MYO9A: variants seen among roughly 807,000 people sequenced by gnomAD.
MYO9A encodes the protein unconventional myosin-IXa.
Under a neutral mutation model 293.3 loss-of-function variants are expected in MYO9A, and 103 were observed. The observed-to-expected ratio is 0.35, with a 90% confidence interval of 0.30 to 0.41. The LOEUF (loss-of-function observed/expected upper bound fraction) is 0.41, where lower values mean the gene tolerates loss of function less well. Ranked by LOEUF, MYO9A falls within the 10% of genes least tolerant of loss-of-function variation. MYO9A has a pLI of 1.00. For synonymous variants in MYO9A, 1,001 were observed against 1,035.7 expected, an observed-to-expected ratio of 0.97 and a Z score of 0.64; for missense variants, 2,685 against 3,033.0, an observed-to-expected ratio of 0.89 and a Z score of 2.69.
intron 14 of MYO9A, among the ~76,000 whole-genome samples, chr15:71,957,677 T>C (rs139487102): frequency 2.0e-5 from 3 of 152,098 alleles, no homozygotes; most frequent in Non-Finnish European, 1.5e-5. Flanking sequence ...CAGAGTTACA[T>C]AGTCTATTGA....
intron 3 of MYO9A, among the ~76,000 whole-genome samples, chr15:72,032,283 T>A (rs976830638): frequency 6.6e-6 from 1 of 152,108 alleles, no homozygotes; most frequent in African/African-American, 2.4e-5. Flanking sequence ...TTGACAACAA[T>A]CAAATCTAGG....
At chr15:71,871,969 C>CA (rs2142103202) in intron 32 of MYO9A, among the ~76,000 whole-genome samples, 1 of 151,460 alleles carries the variant, frequency 6.6e-6, no homozygotes, top group Non-Finnish European at 1.5e-5. Flanking sequence ...GGAATAACAC[C>CA]AAAAAACTGG....
chr15:71,986,430 T>C (rs989309826), intron 11 of MYO9A, among the ~76,000 whole-genome samples: 1 of 152,198 alleles, frequency 6.6e-6, no homozygotes, highest in Non-Finnish European at 1.5e-5. Flanking sequence ...CTACCTTGAT[T>C]CAGTTCAGAA....
chr15:71,890,790 C>T (rs2057152782), intron 26 of MYO9A: 1 of 151,798 alleles, frequency 6.6e-6, no homozygotes, highest in South Asian at 2.1e-4. Context: ...GGTTACTTCA[C>T]AATTAGAAAG....
chr15:71,893,608 G>T (rs924751400), intron 26 of MYO9A, 71 bp downstream of exon 26: 22 of 1,268,762 alleles, frequency 1.7e-5, no homozygotes, highest in Non-Finnish European at 2.0e-5. Context: ...CTACCTACAA[G>T]AATAATAATT....
chr15:72,087,389 G>C (rs532698629), intron 1 of MYO9A, among the ~76,000 whole-genome samples: 1 of 152,324 alleles, frequency 6.6e-6, no homozygotes, highest in African/African-American at 2.4e-5. Flanking sequence ...CTGGAGTGCT[G>C]CCTCTACCAC....
intron 1 of MYO9A, 76 bp downstream of exon 1, chr15:72,117,604 A>C: frequency 2.6e-6 from 1 of 389,980 alleles, no homozygotes; most frequent in Admixed American, 4.5e-5. Context: ...GGGCGGCCCG[A>C]CCGGAGCCAA....
intron 1 of MYO9A, among the ~76,000 whole-genome samples, chr15:72,053,703 T>C (rs2078638005): frequency 6.6e-6 from 1 of 152,222 alleles, no homozygotes; most frequent in South Asian, 2.1e-4. Context: ...TATCGGGTAC[T>C]GCTGTGCTTA....
At chr15:72,113,566 T>G (rs1003146859) in intron 1 of MYO9A, among the ~76,000 whole-genome samples, 5 of 152,192 alleles carry the variant, frequency 3.3e-5, no homozygotes, top group Non-Finnish European at 7.3e-5. Context: ...ATGAGACAGC[T>G]TTTTTGAAGA....
At chr15:71,972,462 G>A (rs2076036032) in intron 12 of MYO9A, 1 of 152,220 alleles carries the variant, frequency 6.6e-6, no homozygotes, top group African/African-American at 2.4e-5. Flanking sequence ...TTATTGACTG[G>A]TGTTTGAAGG....
At chr15:72,104,453 C>T (rs1322432356) in intron 1 of MYO9A, among the ~76,000 whole-genome samples, 3 of 152,208 alleles carry the variant, frequency 2.0e-5, no homozygotes, top group East Asian at 1.9e-4. Flanking sequence ...ATTTAATATA[C>T]GGTAATATAA....
chr15:71,828,173 G>C, intron 40 of MYO9A, 147 bp from the exon 41 acceptor site: 1 of 857,264 alleles, frequency 1.2e-6, no homozygotes, highest in Non-Finnish European at 1.8e-6. Flanking sequence ...ATGAGGACCT[G>C]TATGCCAAAT....
At chr15:71,865,672 A>G (rs774755944) in intron 32 of MYO9A, among the ~76,000 whole-genome samples, 1 of 152,194 alleles carries the variant, frequency 6.6e-6, no homozygotes, top group Non-Finnish European at 1.5e-5. Context: ...GGATTGAGTG[A>G]GTGCTCAGAA....
intron 7 of MYO9A, among the ~76,000 whole-genome samples, chr15:72,008,693 C>G (rs1214084585): frequency 6.6e-6 from 1 of 152,066 alleles, no homozygotes; most frequent in East Asian, 1.9e-4. Flanking sequence ...CCTTAGGTTA[C>G]CAAGTACCTC....
At chr15:72,018,907 C>A in intron 6 of MYO9A, 132 bp downstream of exon 6, 4 of 684,740 alleles carry the variant, frequency 5.8e-6, no homozygotes, top group Non-Finnish European at 1.0e-5. Context: ...AGAAATGAAA[C>A]ATTGATTTAT....
intron 15 of MYO9A, among the ~76,000 whole-genome samples, chr15:71,951,191 C>G (rs1286952987): frequency 6.6e-6 from 1 of 152,158 alleles, no homozygotes; most frequent in Non-Finnish European, 1.5e-5. Flanking sequence ...TGCAATCAAA[C>G]TAAGTGGATT....
At chr15:72,023,160 T>C (rs537163370) in intron 4 of MYO9A, among the ~76,000 whole-genome samples, 2 of 152,270 alleles carry the variant, frequency 1.3e-5, no homozygotes, top group African/African-American at 2.4e-5. Flanking sequence ...AATGAAAAAG[T>C]ATCCAGAGGA....
In MYO9A at chr15:71,951,888, C is replaced by G; in HGVS notation, c.2191G>C (p.Asp731His). The G allele has an allele frequency of 1.3e-6, 2 of 1,583,688 alleles. No homozygotes were observed. The highest frequency in any genetic ancestry group is 1.7e-6 in the Non-Finnish European group (2 of 1,169,536). Residue 731 changes from aspartate to histidine, a missense_variant, in exon 15 of 42, where the codon GAT (aspartate) becomes CAT (histidine). Asp to His is a moderately conservative substitution (Grantham distance 81). This residue lies in a region of MYO9A where 1,434 missense variants were observed against 1,497.7 expected (regional missense o/e 0.96). Transcript: ENST00000356056. Reference sequence around the variant, plus strand: ...TTCAAAATTGCACATGGCGCTGTATCATCATGTCCTTAGGAAGCAAAAAAA... The same window carrying G: ...TTCAAAATTGCACATGGCGCTGTATGATCATGTCCTTAGGAAGCAAAAAAA... ...RNIHRKTGHD[D>H]TAPCAILKSM...
At chr15:72,113,885 C>G (rs938813366) in intron 1 of MYO9A, among the ~76,000 whole-genome samples, 2 of 152,182 alleles carry the variant, frequency 1.3e-5, no homozygotes, top group Admixed American at 1.3e-4. Context: ...GCAACAGGAG[C>G]TAACCTCTTT....
Sources: gnomAD v4.1 joint callset for allele counts (sites outside exome capture counted in the v4.1 genomes callset) on GRCh38, gnomAD v4.1.1 for gene constraint, gnomAD v4.1.1 regional missense constraint, MANE v1.5 for transcripts, NCBI Gene and HGNC (gene_info 2026-07-23, HGNC 2026-07-21) for gene names.